The following SHISA6 variants were observed in gnomAD, a reference collection of about 807,000 sequenced individuals.
SHISA6 encodes the protein protein shisa-6.
SHISA6 carries 22 observed loss-of-function variants against 47.9 expected under a neutral mutation model. The observed-to-expected ratio is 0.46, with a 90% CI of 0.33 to 0.66. The LOEUF (loss-of-function observed/expected upper bound fraction) is 0.66. Ranked by LOEUF, SHISA6 falls within the 30% of genes least tolerant of loss-of-function variation. SHISA6 has a pLI of 0.02. For missense variants in SHISA6, 680 were observed against 764.6 expected (o/e 0.89, Z 1.30); for synonymous variants, 388 against 337.8 (o/e 1.15, Z -1.63).
intron 2 of SHISA6, among the ~76,000 whole-genome samples, chr17:11,282,059 C>G (rs529776842): frequency 8.0e-4 from 122 of 152,312 alleles, no homozygotes; most frequent in African/African-American, 2.7e-3. Context: ...ATCTATGATA[C>G]ATTTGTGGCA....
chr17:11,445,206 G>T (rs528918484), intron 3 of SHISA6, among the ~76,000 whole-genome samples: 1 of 152,040 alleles, frequency 6.6e-6, no homozygotes, highest in Non-Finnish European at 1.5e-5. Context: ...GCTCTTTTCG[G>T]CTTCTTTTAT....
chr17:11,512,014 C>A (rs2071545421), intron 3 of SHISA6, among the ~76,000 whole-genome samples: 1 of 152,222 alleles, frequency 6.6e-6, no homozygotes, highest in African/African-American at 2.4e-5. Context: ...AACTACCTCA[C>A]CACTGTGACC....
intron 2 of SHISA6, among the ~76,000 whole-genome samples, chr17:11,367,333 A>G (rs1391548284): frequency 6.6e-6 from 1 of 152,094 alleles, no homozygotes; most frequent in Non-Finnish European, 1.5e-5. Context: ...AGGACATTGG[A>G]CTCACTTTCA....
At chr17:11,448,082 G>A (rs1915283478) in intron 3 of SHISA6, among the ~76,000 whole-genome samples, 1 of 152,194 alleles carries the variant, frequency 6.6e-6, no homozygotes, top group African/African-American at 2.4e-5. Context: ...TAACTGCCTT[G>A]TTATAATCTC....
intron 3 of SHISA6, among the ~76,000 whole-genome samples, chr17:11,445,516 A>G (rs1359076054): frequency 6.6e-6 from 1 of 152,218 alleles, no homozygotes; most frequent in Non-Finnish European, 1.5e-5. Flanking sequence ...AGTATATTAA[A>G]TCCTAATTAA....
chr17:11,329,019 A>G (rs375889643), intron 2 of SHISA6, among the ~76,000 whole-genome samples: 33 of 152,344 alleles, frequency 2.2e-4, no homozygotes, highest in African/African-American at 7.9e-4. Flanking sequence ...TTTAATAAAT[A>G]GTACTCAGTG....
intron 3 of SHISA6, among the ~76,000 whole-genome samples, chr17:11,523,128 G>A (rs1157763933): frequency 6.6e-6 from 1 of 152,194 alleles, no homozygotes; most frequent in South Asian, 2.1e-4. Context: ...CCCATGGTAA[G>A]TTTTTAGGAA....
chr17:11,370,922 C>T (rs1421222596), intron 2 of SHISA6, among the ~76,000 whole-genome samples: 2 of 152,142 alleles, frequency 1.3e-5, no homozygotes. Flanking sequence ...GCAATGGTCC[C>T]CTTTGTTTCC....
chr17:11,243,943 G>A (rs762997476), intron 1 of SHISA6, among the ~76,000 whole-genome samples: 1 of 152,136 alleles, frequency 6.6e-6, no homozygotes, highest in African/African-American at 2.4e-5. Flanking sequence ...ATTCGTCATC[G>A]CCTGGGATGA....
intron 1 of SHISA6, among the ~76,000 whole-genome samples, chr17:11,243,309 T>A (rs762964038): frequency 5.9e-5 from 9 of 152,006 alleles, no homozygotes; most frequent in Non-Finnish European, 1.2e-4. Flanking sequence ...TGATTTTTTT[T>A]TTCTGCTTGA....
At chr17:11,297,473 T>C (rs544536719) in intron 2 of SHISA6, among the ~76,000 whole-genome samples, 81 of 152,076 alleles carry the variant, frequency 5.3e-4, no homozygotes, top group African/African-American at 1.9e-3. Flanking sequence ...GTCTAGGGGG[T>C]CCAGGACAAT....
rs74622472 is a variant in SHISA6, at chr17:11,449,125, C to T, written c.895+69616C>T. Among the ~76,000 whole-genome samples the T allele has an allele frequency of 2.7e-3, 414 of 152,088 alleles. 18 individuals carry two copies. In the East Asian group the frequency reaches 0.062, roughly 23 times the overall value. On this transcript the variant is annotated intron_variant, in intron 3 of 5. Coordinates refer to ENST00000441885, the MANE Select transcript of SHISA6 (RefSeq NM_207386.4). Reference sequence around the variant, plus strand: ...TTGACATGAATGATATGTAGGAAGTCGGGGCCAAAGTTAGCAATAGAAATT... The same window carrying T: ...TTGACATGAATGATATGTAGGAAGTTGGGGCCAAAGTTAGCAATAGAAATT...
chr17:11,405,261 A>G (rs763333364), intron 3 of SHISA6, among the ~76,000 whole-genome samples: 1 of 152,122 alleles, frequency 6.6e-6, no homozygotes. Context: ...GAAGATTTTG[A>G]TCCAGTAGGT....
intron 1 of SHISA6, among the ~76,000 whole-genome samples, chr17:11,260,442 C>T (rs966111237): frequency 6.6e-6 from 1 of 152,172 alleles, no homozygotes; most frequent in Middle Eastern, 3.4e-3. Flanking sequence ...TGCTGACAGC[C>T]TGTCGTGTCC....
chr17:11,551,876 T>A lies in SHISA6; in HGVS notation c.896-20T>A, dbSNP rs2071934663. On this transcript the variant is annotated intron_variant, in intron 3 of 5. Transcript: ENST00000441885. The stretch of plus-strand genomic sequence containing the variant: ...AATGCCTGAACTCTTCTTTAAAAAT[T>A]TCTTTTCTATGATTTTCAGGTGATC... The A allele has an allele frequency of 6.4e-7, 1 of 1,550,396 alleles. No homozygotes were observed. Among genetic ancestry groups the A allele is most frequent in the Non-Finnish European group, 8.7e-7 (1 of 1,145,826 alleles).
intron 2 of SHISA6, among the ~76,000 whole-genome samples, chr17:11,286,722 A>T (rs1280242070): frequency 6.6e-6 from 1 of 152,244 alleles, no homozygotes; most frequent in Non-Finnish European, 1.5e-5. Flanking sequence ...TGAAATGTCC[A>T]TTCAGACCTT....
At chr17:11,360,983 C>G (rs541834848) in intron 2 of SHISA6, among the ~76,000 whole-genome samples, 4 of 151,430 alleles carry the variant, frequency 2.6e-5, no homozygotes, top group Non-Finnish European at 5.9e-5. Context: ...TTTTCCCCCA[C>G]TGATTTGAAT....
chr17:11,280,123 G>A (rs916754720), intron 2 of SHISA6, among the ~76,000 whole-genome samples: 3 of 152,122 alleles, frequency 2.0e-5, no homozygotes, highest in Non-Finnish European at 4.4e-5. Flanking sequence ...AGCCTTGGTG[G>A]CGTTTCTGTT....
At chr17:11,536,017 T>G (rs2969211) in intron 3 of SHISA6, among the ~76,000 whole-genome samples, 67,138 of 151,798 alleles carry the variant, frequency 0.44, 15,484 homozygotes, top group East Asian at 0.59. Flanking sequence ...TAGATAGATA[T>G]ATATAGAGAG....
Sources: gnomAD v4.1 joint callset for allele counts (sites outside exome capture counted in the v4.1 genomes callset) on GRCh38, gnomAD v4.1.1 for gene constraint, MANE v1.5 for transcripts, NCBI Gene and HGNC (gene_info 2026-07-23, HGNC 2026-07-21) for gene names.